The following ETV5 variants were observed in gnomAD, a reference collection of about 807,000 sequenced individuals.
The protein encoded by ETV5 is ETS translocation variant 5.
Under a neutral mutation model 70.0 loss-of-function variants are expected in ETV5, and 10 were observed. That is an observed-to-expected ratio of 0.14 (90% CI 0.09 to 0.24). ETV5 has a LOEUF of 0.24. Among genes scored for constraint, ETV5 ranks in the 10% least tolerant of loss-of-function variants. ETV5 has a pLI of 1.00. For synonymous variants in ETV5, 216 were observed against 242.2 expected (o/e 0.89, Z 1.01); for missense variants, 453 against 651.2 (o/e 0.70, Z 3.31).
chr3:186,053,870 A>G (rs942745656), intron 11 of ETV5, among the ~76,000 whole-genome samples: 2 of 152,252 alleles, frequency 1.3e-5, no homozygotes, highest in African/African-American at 2.4e-5. Flanking sequence ...GTTCAAAGCA[A>G]TGATGCCTTA....
chr3:186,103,704 G>A (rs1714521790), intron 5 of ETV5, among the ~76,000 whole-genome samples: 2 of 150,708 alleles, frequency 1.3e-5, no homozygotes, highest in Non-Finnish European at 2.9e-5. Context: ...TCAGTGGCAA[G>A]CTTCCCAATC....
At chr3:186,089,934 G>C (rs536105262) in intron 5 of ETV5, among the ~76,000 whole-genome samples, 74 of 152,356 alleles carry the variant, frequency 4.9e-4, no homozygotes, top group African/African-American at 1.7e-3. Context: ...ATGTCAATCT[G>C]TGGAGACGCA....
intron 1 of ETV5, chr3:186,108,630 A>G (rs1395872588): frequency 4.9e-5 from 57 of 1,154,970 alleles, no homozygotes; most frequent in Non-Finnish European, 5.7e-5. Flanking sequence ...AAGCCTCGCA[A>G]CTCCGCGATC....
chr3:186,099,737 G>A (rs1222786745), intron 5 of ETV5, among the ~76,000 whole-genome samples: 1 of 152,136 alleles, frequency 6.6e-6, no homozygotes, highest in African/African-American at 2.4e-5. Context: ...CCTTACTCCT[G>A]TAAAACTGAA....
At position 186,052,441 on chromosome 3, in the gene ETV5, A is replaced by G. The variant is rs982481026; in HGVS notation, c.1210-310T>C. On this transcript the variant is annotated intron_variant, in intron 11 of 12. Transcript: ENST00000306376. This position sits in a 1 kb window ranked among gnomAD's most constrained non-coding sequence, Gnocchi z 4.5. ...TTCTCCACGTATGAATTATTGACCA[A>G]TACCCATAGACCATTAACGTGTTGC... Among the ~76,000 whole-genome samples the G allele has an allele frequency of 2.6e-5, 4 of 152,234 alleles. No individual in the cohort carries two copies. The highest frequency in any genetic ancestry group is 5.9e-5 in the Non-Finnish European group (4 of 68,040).
At chr3:186,081,298 A>T in intron 5 of ETV5, 123 bp from the exon 6 acceptor site, 5 of 1,022,172 alleles carry the variant, frequency 4.9e-6, no homozygotes, top group Non-Finnish European at 5.3e-6. Context: ...GTCAAGTCAC[A>T]TGTCAGAAAA....
intron 5 of ETV5, among the ~76,000 whole-genome samples, chr3:186,096,348 A>T (rs1269268644): frequency 6.6e-6 from 1 of 152,164 alleles, no homozygotes; most frequent in Non-Finnish European, 1.5e-5. Context: ...CCCCTCTTCT[A>T]TTCTACCTTT....
chr3:186,093,210 A>C (rs922874928), intron 5 of ETV5, among the ~76,000 whole-genome samples: 2 of 152,200 alleles, frequency 1.3e-5, no homozygotes, highest in Non-Finnish European at 2.9e-5. Flanking sequence ...GGAAAGATGA[A>C]AATGGTGATT....
chr3:186,084,103 A>G (rs759950420), intron 5 of ETV5: 1 of 341,082 alleles, frequency 2.9e-6, no homozygotes, highest in Non-Finnish European at 5.8e-6. Flanking sequence ...AAAAGGGCAC[A>G]GCACCTTGCA....
chr3:186,064,334 G>A, intron 9 of ETV5, 83 bp downstream of exon 9: 1 of 1,301,812 alleles, frequency 7.7e-7, no homozygotes. Context: ...AGGAAGGAAG[G>A]TAGGAGAAAG....
rs113863723 is a variant in ETV5, at chr3:186,055,205, C to T, written c.1209+1870G>A. 2.6e-5 allele frequency among the ~76,000 whole-genome samples: 4 copies of T among 152,212 alleles called. No individual in the cohort carries two copies. In the South Asian group the frequency reaches 8.3e-4, roughly 32 times the overall value. On this transcript the variant is annotated intron_variant, in intron 11 of 12. Coordinates refer to ENST00000306376, the MANE Select transcript of ETV5 (RefSeq NM_004454.3). ...CAGCTGGACGGCCTGTGCTTAGGCC[C>T]GAGGCAGTGGCAATAAAATAATAAA... is the stretch of plus-strand genomic sequence containing the variant.
chr3:186,079,849 C>A lies in ETV5; in HGVS notation c.618G>T (p.Met206Ile). The A allele has an allele frequency of 6.2e-7, 1 of 1,608,228 alleles. No individual in the cohort carries two copies. The highest frequency in any genetic ancestry group is 8.5e-7 in the Non-Finnish European group (1 of 1,177,628). Residue 206 changes from methionine (M) to isoleucine (I), a missense_variant, in exon 7 of 13, where the codon ATG (methionine) becomes ATT (isoleucine). Around this residue, in one of 4 missense-constraint regions of ETV5, gnomAD observed 307 missense variants for 344.9 expected, o/e 0.89. Transcript: ENST00000306376. ...PPHQPLQMPK[M>I]MPENQYPSEQ... ...CTGATGGATACTGGTTTTCAGGCAT[C>A]ATCTTTGGCATCTGCAGGGGCTGAT...
intron 12 of ETV5, among the ~76,000 whole-genome samples, chr3:186,050,251 G>A (rs1298878126): frequency 6.6e-6 from 1 of 152,132 alleles, no homozygotes; most frequent in African/African-American, 2.4e-5. Context: ...GTTAGGATCT[G>A]AGCCCACGAA....
At chr3:186,078,798 C>T (rs968382201) in intron 7 of ETV5, among the ~76,000 whole-genome samples, 3 of 151,968 alleles carry the variant, frequency 2.0e-5, no homozygotes, top group Admixed American at 6.6e-5. Flanking sequence ...CATATTTTGC[C>T]GTTCTTAATG....
intron 8 of ETV5, among the ~76,000 whole-genome samples, chr3:186,065,120 G>A (rs1239527719): frequency 6.6e-6 from 1 of 152,120 alleles, no homozygotes; most frequent in Non-Finnish European, 1.5e-5. Flanking sequence ...CCATCGAGAC[G>A]AAAGACAGTA....
At chr3:186,101,520 A>C (rs1560056993) in intron 5 of ETV5, among the ~76,000 whole-genome samples, 1 of 152,180 alleles carries the variant, frequency 6.6e-6, no homozygotes. Flanking sequence ...AACTCAAAGC[A>C]TGAAGGTATT....
At chr3:186,106,555 A>G (rs1714592729) in intron 1 of ETV5, among the ~76,000 whole-genome samples, 1 of 152,240 alleles carries the variant, frequency 6.6e-6, no homozygotes, top group African/African-American at 2.4e-5. Flanking sequence ...TGTCACAAAT[A>G]TCTCCCTGGT....
chr3:186,071,738 T>C (rs544522465), intron 7 of ETV5, among the ~76,000 whole-genome samples: 1 of 150,692 alleles, frequency 6.6e-6, no homozygotes, highest in Non-Finnish European at 1.5e-5. Flanking sequence ...GCAGATCACC[T>C]TGTGAGTTCC....
intron 11 of ETV5, among the ~76,000 whole-genome samples, chr3:186,055,141 A>G (rs927673887): frequency 1.3e-5 from 2 of 152,214 alleles, no homozygotes; most frequent in African/African-American, 4.8e-5. Flanking sequence ...CAGAAGATTC[A>G]ATAACAGCTT....
Sources: gnomAD v4.1 joint callset for allele counts (sites outside exome capture counted in the v4.1 genomes callset) on GRCh38, gnomAD v4.1.1 for gene constraint, gnomAD v4.1.1 regional missense constraint, Gnocchi (gnomAD v3.1) non-coding constraint, MANE v1.5 for transcripts, NCBI Gene and HGNC (gene_info 2026-07-23, HGNC 2026-07-21) for gene names.